MAP4: variants seen among roughly 807,000 people sequenced by gnomAD.
MAP4 encodes microtubule associated protein 4, also known as microtubule-associated protein 4.
In MAP4, 76 loss-of-function variants were observed where a neutral mutation model predicts 170.2. The ratio of observed to expected loss-of-function variants is 0.45; its 90% CI spans 0.37 to 0.54. MAP4 has a LOEUF of 0.54. Among genes scored for constraint, MAP4 ranks in the 20% least tolerant of loss-of-function variants. MAP4 has a pLI of 0.00. For synonymous variants in MAP4, 909 were observed against 994.5 expected, an observed-to-expected ratio of 0.91 and a Z score of 1.62; for missense variants, 2,506 against 2,748.0, an observed-to-expected ratio of 0.91 and a Z score of 1.97.
chr3:47,880,103 G>C (rs981365760), intron 10 of MAP4, among the ~76,000 whole-genome samples: 5 of 151,692 alleles, frequency 3.3e-5, no homozygotes, highest in African/African-American at 1.2e-4. Flanking sequence ...GACTATAACA[G>C]ATTACTTTTT....
chr3:47,997,326 T>TA, intron 2 of MAP4, among the ~76,000 whole-genome samples: 2,169 of 44,924 alleles, frequency 0.048, 123 homozygotes, highest in Middle Eastern at 0.098. Context: ...TTTAAACTGC[T>TA]AAAAAAAAAA....
intron 1 of MAP4, among the ~76,000 whole-genome samples, chr3:48,076,246 T>C (rs1360363310): frequency 9.9e-5 from 15 of 151,234 alleles, no homozygotes; most frequent in African/African-American, 3.6e-4. Context: ...CCTGTAATCC[T>C]AGCACTTTGG....
At chr3:47,854,245 C>T (rs1024016066) in intron 19 of MAP4, among the ~76,000 whole-genome samples, 1 of 152,230 alleles carries the variant, frequency 6.6e-6, no homozygotes. Context: ...GGAAAAGAGA[C>T]TAAAGCCAAG....
chr3:47,921,792 G>A lies in MAP4; in HGVS notation c.502C>T (p.Gln168Ter). 6.2e-7 allele frequency: 1 copy of A among 1,609,386 alleles called. No individual in the cohort carries two copies. Among genetic ancestry groups the A allele is most frequent in the Non-Finnish European group, 8.5e-7 (1 of 1,175,802 alleles). Residue 168 changes from glutamine (Q) to a stop codon, truncating the protein, a stop_gained, in exon 5 of 21, where the codon CAA becomes TAA. Coordinates refer to ENST00000683076, the MANE Select transcript of MAP4 (RefSeq NM_001385682.1). LOFTEE classifies it high-confidence loss of function. ...ATADTSIFAG[Q>*]NDPLKDSYGM... is the part of the protein sequence containing the mutation. ...TAACTGTCTTTCAAGGGATCATTTT[G>A]TCCTGCAAATATTGAAGTATCAGCT...
chr3:48,036,762 G>C (rs569758241), intron 1 of MAP4, among the ~76,000 whole-genome samples: 6 of 152,164 alleles, frequency 3.9e-5, no homozygotes, highest in Non-Finnish European at 5.9e-5. Context: ...GAGTGAAGGC[G>C]GCTGATGTAA....
intron 3 of MAP4, among the ~76,000 whole-genome samples, chr3:47,929,602 G>A (rs1285488925): frequency 6.4e-5 from 6 of 93,852 alleles, no homozygotes; most frequent in Non-Finnish European, 3.9e-5. Flanking sequence ...AAGACCTAAC[G>A]TAGCTCACTT....
In MAP4 at chr3:47,918,738, T is replaced by C; in HGVS notation, c.633A>G (p.Glu211=). 2 of 1,610,652 alleles carry C rather than the reference T, an allele frequency of 1.2e-6. No homozygotes were observed. The highest frequency in any genetic ancestry group is 1.7e-6 in the Non-Finnish European group (2 of 1,177,082). ...ESFVSPEAVA[E]PPQPTAVPLE... is the part of the protein sequence containing the mutation. ...GTTTACCTGCCGTTGGCTGAGGAGG[T>C]TCTGCAACAGCCTCTGGGGAAACAA... is the stretch of plus-strand genomic sequence containing the variant. Residue 211 remains glutamate, a synonymous_variant, in exon 6 of 21, where the codon GAA becomes GAG. Transcript: ENST00000683076.
chr3:48,056,726 C>T (rs1480440196), intron 1 of MAP4, among the ~76,000 whole-genome samples: 13 of 91,280 alleles, frequency 1.4e-4, no homozygotes, highest in African/African-American at 4.1e-4. Context: ...CGCCTCTGCC[C>T]GGCCGCCCCT....
chr3:47,928,223 C>T lies in MAP4; in HGVS notation c.415+5G>A. 1 of 1,614,120 alleles carries T rather than the reference C, an allele frequency of 6.2e-7. No individual in the cohort carries two copies. Among genetic ancestry groups the T allele is most frequent in the Non-Finnish European group, 8.5e-7 (1 of 1,180,016 alleles). On this transcript the variant is annotated splice_donor_5th_base_variant and intron_variant, in intron 4 of 20. Coordinates refer to ENST00000683076, the MANE Select transcript of MAP4 (RefSeq NM_001385682.1). Reference sequence around the variant, plus strand: ...TTTAGTAGTCACGAGCAAGCCAACACTTACCAGTCTGGATAGGATCGACCA... The same window carrying T: ...TTTAGTAGTCACGAGCAAGCCAACATTTACCAGTCTGGATAGGATCGACCA...
At chr3:48,012,147 T>C (rs891066036) in intron 1 of MAP4, among the ~76,000 whole-genome samples, 2 of 152,122 alleles carry the variant, frequency 1.3e-5, no homozygotes, top group African/African-American at 4.8e-5. Flanking sequence ...CTTTTTTGCA[T>C]ACTCACAAAC....
intron 3 of MAP4, among the ~76,000 whole-genome samples, chr3:47,934,625 G>A (rs2100051696): frequency 6.6e-6 from 1 of 152,072 alleles, no homozygotes; most frequent in South Asian, 2.1e-4. Context: ...CAATATTAGT[G>A]CGGCTCATAA....
rs529413058 is a variant in MAP4, at chr3:47,852,845, C to T, written c.*89G>A. 1.3e-5 allele frequency: 21 copies of T among 1,556,896 alleles called. No individual in the cohort carries two copies. The South Asian group carries it at 1.9e-4, about 14-fold the overall frequency. On this transcript the variant is annotated 3_prime_UTR_variant, in exon 21 of 21. Coordinates refer to ENST00000683076, the MANE Select transcript of MAP4 (RefSeq NM_001385682.1). The stretch of plus-strand genomic sequence containing the variant: ...AGGACCCGGGAGCCCGAGTTGGGGC[C>T]GCCAGGGAAGTGTGGGGGGCGGGAG...
chr3:47,947,225 G>C (rs1295719680), intron 3 of MAP4, among the ~76,000 whole-genome samples: 1 of 152,134 alleles, frequency 6.6e-6, no homozygotes, highest in Non-Finnish European at 1.5e-5. Context: ...GATTCTGACA[G>C]ATTTCTTCAC....
intron 1 of MAP4, among the ~76,000 whole-genome samples, chr3:48,069,342 A>G (rs1417439265): frequency 6.6e-6 from 1 of 152,194 alleles, no homozygotes; most frequent in East Asian, 1.9e-4. Flanking sequence ...CGAAGCCCTT[A>G]ATTCTCACAA....
At chr3:47,918,890 G>C in intron 5 of MAP4, 49 bp from the exon 6 acceptor site, 1 of 1,489,152 alleles carries the variant, frequency 6.7e-7, no homozygotes, top group Middle Eastern at 1.8e-4. Flanking sequence ...GTAAACATTG[G>C]AAACAAAAGG....
At chr3:48,006,657 A>C (rs1440114135) in intron 1 of MAP4, among the ~76,000 whole-genome samples, 1 of 152,178 alleles carries the variant, frequency 6.6e-6, no homozygotes, top group Non-Finnish European at 1.5e-5. Context: ...TAAATCAAAA[A>C]CAATATCACA....
chr3:48,063,483 C>T (rs1463706981), intron 1 of MAP4, among the ~76,000 whole-genome samples: 9 of 151,870 alleles, frequency 5.9e-5, no homozygotes, highest in Non-Finnish European at 1.0e-4. Context: ...CACAATCCAG[C>T]AATTGCACTC....
intron 1 of MAP4, among the ~76,000 whole-genome samples, chr3:48,083,247 G>T (rs1333763287): frequency 6.6e-6 from 1 of 152,164 alleles, no homozygotes; most frequent in Non-Finnish European, 1.5e-5. Flanking sequence ...AAGAGAAATG[G>T]AATGAATACA....
At chr3:47,856,830 T>C (rs1385124459) in intron 18 of MAP4, among the ~76,000 whole-genome samples, 1 of 152,206 alleles carries the variant, frequency 6.6e-6, no homozygotes. Context: ...GCAGTCCTAC[T>C]CACAAATCTG....
Sources: allele counts gnomAD v4.1 joint callset (sites outside exome capture counted in the v4.1 genomes callset), GRCh38; gene constraint gnomAD v4.1.1; transcripts MANE v1.5; gene names NCBI Gene and HGNC (gene_info 2026-07-23, HGNC 2026-07-21).